ATL3: variants seen among roughly 807,000 people sequenced by gnomAD.
The protein encoded by ATL3 is atlastin GTPase 3, also known as atlastin-3.
In ATL3, 49 loss-of-function variants were observed where a neutral mutation model predicts 69.5. That is an observed-to-expected ratio of 0.71 (90% CI 0.56 to 0.89). The LOEUF (loss-of-function observed/expected upper bound fraction) is 0.89, where lower values mean the gene tolerates loss of function less well. Among genes scored for constraint, ATL3 ranks in the 40% least tolerant of loss-of-function variants. The pLI, the probability that ATL3 is intolerant of heterozygous loss-of-function variation, is 0.00. For missense variants in ATL3, 606 were observed against 645.7 expected (o/e 0.94, Z 0.67); for synonymous variants, 214 against 224.1 (o/e 0.95, Z 0.40).
chr11:63,652,437 T>C, intron 4 of ATL3, 34 bp downstream of exon 4: 4 of 1,349,164 alleles, frequency 3.0e-6, no homozygotes, highest in Non-Finnish European at 4.1e-6. Context: ...CTTATTTCCT[T>C]TGCGAGCTTT....
intron 9 of ATL3, among the ~76,000 whole-genome samples, chr11:63,635,863 C>T (rs1939498033): frequency 6.7e-6 from 1 of 148,560 alleles, no homozygotes; most frequent in Non-Finnish European, 1.5e-5. Context: ...GCAGAGTGAC[C>T]ATCCGCCTTG....
intron 6 of ATL3, 68 bp from the exon 7 acceptor site, chr11:63,644,329 A>G: frequency 2.2e-6 from 2 of 912,648 alleles, no homozygotes; most frequent in South Asian, 2.8e-5. Context: ...CAACTGCAAT[A>G]CATCTTTGCA....
At position 63,643,372 on chromosome 11, in the gene ATL3, C is replaced by G; in HGVS notation, c.835G>C (p.Asp279His). 6.2e-7 allele frequency: 1 copy of G among 1,606,962 alleles called. No homozygotes were observed. Among genetic ancestry groups the G allele is most frequent in the Non-Finnish European group, 8.5e-7 (1 of 1,177,154 alleles). ...GLQVATSPDF[D>H]GKLKDIAGEF... Reference sequence around the variant, plus strand: ...TGGAACACACCTTTTAATTTCCCATCAAAGTCAGGGCTTGTGGCCACCTGG... The same window carrying G: ...TGGAACACACCTTTTAATTTCCCATGAAAGTCAGGGCTTGTGGCCACCTGG... The change falls in exon 8 of 13, where the codon GAT becomes CAT. Residue 279 changes from aspartate (D) to histidine (H), a missense_variant. By Grantham distance (81) the Asp-to-His change is moderately conservative (BLOSUM62 -1). Transcript: ENST00000398868.
intron 5 of ATL3, among the ~76,000 whole-genome samples, chr11:63,650,260 C>T (rs1259868369): frequency 2.6e-5 from 4 of 152,146 alleles, no homozygotes; most frequent in Non-Finnish European, 5.9e-5. Context: ...ATGGAAGAAA[C>T]AAGGCATATT....
chr11:63,659,191 T>C lies in ATL3; in HGVS notation c.108A>G (p.Gln36=), dbSNP rs1333849727. ...PVQVVLVQKD[Q]HSFELDEKAL... ...CTTTCTCATCTAGCTCAAAGGAATG[T>C]TGATCTTTCTGAACCAAAACAACCT... Residue 36 remains glutamine, a synonymous_variant, in exon 2 of 13, where the codon CAA becomes CAG. Coordinates refer to ENST00000398868, the MANE Select transcript of ATL3 (RefSeq NM_015459.5). The C allele has an allele frequency of 1.9e-6, 3 of 1,614,156 alleles. No individual in the cohort carries two copies. The South Asian group carries it at 3.3e-5, about 18-fold the overall frequency.
rs1939058661 is a variant in ATL3 at position 63,625,008 on chromosome 11, G to C, written c.*4311C>G. On this transcript the variant is annotated 3_prime_UTR_variant, in exon 13 of 13. Coordinates refer to ENST00000398868, the MANE Select transcript of ATL3 (RefSeq NM_015459.5). ...GCCCATACCACCTGAGGCAATCCCT[G>C]GGTACAAAGCTAGGAATCTGAACTT... The C allele has an allele frequency of 6.6e-6, 1 of 152,046 alleles. No homozygotes were observed. The highest frequency in any genetic ancestry group is 1.5e-5 in the Non-Finnish European group (1 of 68,026). The allele number at this position is 152,046 out of a possible 1,614,324, so 9.4% of individuals were successfully genotyped here. A position where few individuals can be genotyped will look rare whatever the true frequency, so the allele number is the denominator to read the frequency against.
At chr11:63,642,726 T>A (rs918315439) in intron 8 of ATL3, among the ~76,000 whole-genome samples, 1 of 152,228 alleles carries the variant, frequency 6.6e-6, no homozygotes, top group Non-Finnish European at 1.5e-5. Flanking sequence ...AGCATAAATA[T>A]CAAAGTACCT....
At chr11:63,664,552 G>A (rs758981942) in intron 1 of ATL3, among the ~76,000 whole-genome samples, 2 of 151,354 alleles carry the variant, frequency 1.3e-5, no homozygotes, top group Admixed American at 1.3e-4. Context: ...AAAAAAAAGC[G>A]TACTGAGCAA....
At chr11:63,633,961 G>A (rs1326608329) in intron 10 of ATL3, among the ~76,000 whole-genome samples, 1 of 149,546 alleles carries the variant, frequency 6.7e-6, no homozygotes, top group Non-Finnish European at 1.5e-5. Context: ...CTTGAACCCA[G>A]GAGGTAGAGG....
chr11:63,643,977 C>A (rs1303595796), intron 7 of ATL3, among the ~76,000 whole-genome samples, 192 bp downstream of exon 7: 1 of 152,204 alleles, frequency 6.6e-6, no homozygotes, highest in Non-Finnish European at 1.5e-5. Context: ...TTTTCTTCTA[C>A]AGTTCCTGTG....
intron 4 of ATL3, among the ~76,000 whole-genome samples, 157 bp from the exon 5 acceptor site, chr11:63,652,143 T>A (rs954645040): frequency 1.3e-5 from 2 of 152,210 alleles, no homozygotes; most frequent in African/African-American, 2.4e-5. Context: ...TTTGGAAAAC[T>A]ATGCACATAA....
At chr11:63,633,525 C>T (rs996603388) in intron 10 of ATL3, among the ~76,000 whole-genome samples, 8 of 151,876 alleles carry the variant, frequency 5.3e-5, no homozygotes, top group Non-Finnish European at 7.4e-5. Context: ...CCTGCCAGTG[C>T]GTGCCACCAC....
intron 1 of ATL3, among the ~76,000 whole-genome samples, chr11:63,662,622 G>A (rs1940455142): frequency 1.3e-5 from 2 of 152,144 alleles, no homozygotes; most frequent in Admixed American, 1.3e-4. Flanking sequence ...TGGGACTACA[G>A]GCATTCATCA....
upstream of ATL3, chr11:63,671,885 A>G (rs1348919438): frequency 2.6e-6 from 1 of 379,612 alleles, no homozygotes; most frequent in African/African-American, 2.3e-5. Flanking sequence ...TGGAACCACC[A>G]GTGTGAGAGA....
intron 8 of ATL3, among the ~76,000 whole-genome samples, chr11:63,639,085 T>A (rs1228248053): frequency 6.6e-6 from 1 of 152,154 alleles, no homozygotes; most frequent in African/African-American, 2.4e-5. Flanking sequence ...TGAGAAAATA[T>A]AATGCCTACC....
intron 8 of ATL3, among the ~76,000 whole-genome samples, 163 bp downstream of exon 8, chr11:63,643,194 A>G (rs371055934): frequency 6.6e-6 from 1 of 152,246 alleles, no homozygotes; most frequent in East Asian, 1.9e-4. Context: ...ACTAATTCTG[A>G]TGGTCTCAGT....
chr11:63,635,646 A>G (rs61928161), intron 9 of ATL3, 56 bp from the exon 10 acceptor site: 441 of 1,363,054 alleles, frequency 3.2e-4, no homozygotes, highest in Non-Finnish European at 4.2e-4. Flanking sequence ...TATCTTACTC[A>G]TATTTAATTT....
chr11:63,631,987 A>C (rs1939336628), intron 11 of ATL3, among the ~76,000 whole-genome samples: 1 of 152,148 alleles, frequency 6.6e-6, no homozygotes, highest in African/African-American at 2.4e-5. Context: ...GTCTCTAAAA[A>C]ACAAAAGCAA....
intron 8 of ATL3, among the ~76,000 whole-genome samples, chr11:63,642,007 T>C (rs1418637242): frequency 6.6e-6 from 1 of 152,124 alleles, no homozygotes; most frequent in Non-Finnish European, 1.5e-5. Flanking sequence ...GATGAACAAA[T>C]CTGAGTTCAG....
Sources: gnomAD v4.1 joint callset for allele counts (sites outside exome capture counted in the v4.1 genomes callset) on GRCh38, gnomAD v4.1.1 for gene constraint, MANE v1.5 for transcripts, NCBI Gene and HGNC (gene_info 2026-07-23, HGNC 2026-07-21) for gene names.